Variants in PTPRT observed in about 807,000 individuals in gnomAD.
PTPRT encodes the protein receptor-type tyrosine-protein phosphatase T.
PTPRT carries 56 observed loss-of-function variants against 176.8 expected under a neutral mutation model. That is an observed-to-expected ratio of 0.32 (90% CI 0.26 to 0.40). The LOEUF (loss-of-function observed/expected upper bound fraction) is 0.40. Ranked by LOEUF, PTPRT falls within the 10% of genes least tolerant of loss-of-function variation. The probability of loss-of-function intolerance (pLI) is 1.00; values close to 1 mark genes in which losing one functional copy is unlikely to be tolerated. For synonymous variants in PTPRT, 783 were observed against 739.0 expected, an observed-to-expected ratio of 1.06 and a Z score of -0.96; for missense variants, 1,540 against 1,908.2, an observed-to-expected ratio of 0.81 and a Z score of 3.60.
At chr20:42,534,245 A>G (rs1329177248) in intron 7 of PTPRT, among the ~76,000 whole-genome samples, 1 of 152,210 alleles carries the variant, frequency 6.6e-6, no homozygotes. Context: ...AGTGTCCAAC[A>G]GTGAGAACGC....
At position 42,276,528 on chromosome 20, in the gene PTPRT, TATATATATATATATATATA is replaced by T. The variant is rs1568731665; in HGVS notation, c.2176+5942_2176+5960del. On this transcript the variant is annotated intron_variant, in intron 13 of 30. Transcript: ENST00000373187. ...ATATATATATATATATATATATATATATATATATATATATATATATATATATATATAATGTTCTTGAATA... is the reference window on the plus strand; with the variant it reads ...ATATATATATATATATATATATATATTATATATATATAATGTTCTTGAATA... Among the ~76,000 whole-genome samples, 33 of 46,480 alleles carry T rather than the reference TATATATATATATATATATA, an allele frequency of 7.1e-4. 1 individual carries two copies. In the East Asian group the frequency reaches 0.01, roughly 15 times the overall value. The allele number at this position is 46,480 out of a possible 152,430, so 30.5% of individuals were successfully genotyped here. A position where few individuals can be genotyped will look rare whatever the true frequency, so the allele number is the denominator to read the frequency against.
intron 11 of PTPRT, among the ~76,000 whole-genome samples, chr20:42,335,156 A>G (rs984023955): frequency 7.2e-5 from 11 of 152,322 alleles, no homozygotes; most frequent in African/African-American, 2.2e-4. Flanking sequence ...GGAGTAGTCA[A>G]GTGTGGACAG....
chr20:42,557,792 T>C (rs2072885503), intron 7 of PTPRT, among the ~76,000 whole-genome samples: 1 of 152,176 alleles, frequency 6.6e-6, no homozygotes, highest in Admixed American at 6.5e-5. Context: ...CTTTGCTTCC[T>C]TTACCTGGAT....
chr20:42,790,539 C>T (rs533570415), intron 3 of PTPRT, among the ~76,000 whole-genome samples: 1 of 152,288 alleles, frequency 6.6e-6, no homozygotes, highest in African/African-American at 2.4e-5. Context: ...TTCAAAGCCC[C>T]CCATGATCTG....
At chr20:42,880,322 C>T (rs539520984) in intron 2 of PTPRT, among the ~76,000 whole-genome samples, 58 of 152,266 alleles carry the variant, frequency 3.8e-4, no homozygotes, top group African/African-American at 1.3e-3. Flanking sequence ...AGTCTCAGCT[C>T]CCTGGGGACT....
intron 7 of PTPRT, among the ~76,000 whole-genome samples, chr20:42,489,391 T>A (rs1478562817): frequency 6.6e-6 from 1 of 152,100 alleles, no homozygotes; most frequent in African/African-American, 2.4e-5. Flanking sequence ...CCATTTCACT[T>A]TCCCCTGTTG....
intron 8 of PTPRT, among the ~76,000 whole-genome samples, chr20:42,462,851 C>A (rs142611610): frequency 6.0e-4 from 92 of 152,286 alleles, no homozygotes; most frequent in African/African-American, 2.1e-3. Context: ...TGTGCTACAG[C>A]CTCTGTAGCG....
chr20:42,091,210 A>C (rs1456391628), intron 27 of PTPRT, among the ~76,000 whole-genome samples: 1 of 152,224 alleles, frequency 6.6e-6, no homozygotes, highest in Non-Finnish European at 1.5e-5. Context: ...GCTGCCATAC[A>C]TTATTCCACC....
At chr20:42,195,240 A>G (rs554797714) in intron 16 of PTPRT, among the ~76,000 whole-genome samples, 15 of 152,356 alleles carry the variant, frequency 9.8e-5, no homozygotes, top group African/African-American at 3.4e-4. Flanking sequence ...TACCTGGTCA[A>G]TAATGAAATA....
chr20:43,166,958 T>C (rs1048917577), intron 1 of PTPRT, among the ~76,000 whole-genome samples: 2 of 152,212 alleles, frequency 1.3e-5, no homozygotes, highest in Admixed American at 1.3e-4. Context: ...TGAATCCCAG[T>C]TTCCAGTGTC....
At chr20:42,457,872 T>C (rs1432486850) in intron 8 of PTPRT, among the ~76,000 whole-genome samples, 2 of 152,192 alleles carry the variant, frequency 1.3e-5, no homozygotes, top group Non-Finnish European at 2.9e-5. Context: ...GTTTGCCATA[T>C]GCCCTGGACG....
rs1346626604 is a variant in PTPRT, at chr20:42,076,923, A to G, written c.*3956T>C. ...CACTCTAGTCTCTTCTGTTATGGGT[A>G]ACCTCCTGGGAAAAATGTGAGATAC... On this transcript the variant is annotated 3_prime_UTR_variant, in exon 31 of 31. Transcript: ENST00000373187. 1 of 197,182 alleles carries G rather than the reference A, an allele frequency of 5.1e-6. No homozygotes were observed. The allele number at this position is 197,182 out of a possible 1,614,324, so 12.2% of individuals were successfully genotyped here.
rs571230346 is a variant in PTPRT, at chr20:43,046,459, TA to T, written c.88+143186del. Among the ~76,000 whole-genome samples, 269 of 150,882 alleles carry T rather than the reference TA, an allele frequency of 1.8e-3. 2 individuals carry two copies. Among genetic ancestry groups the T allele is most frequent in the South Asian group, 0.01 (48 of 4,758 alleles). On this transcript the variant is annotated intron_variant, in intron 1 of 30. Coordinates refer to ENST00000373187, the MANE Select transcript of PTPRT (RefSeq NM_007050.6). ...GGAGCGCGCCTGTAGTCCCAGCTAC[TA>T]GGGGAGGCTGAGGCAGGAGAATGGC...
intron 7 of PTPRT, among the ~76,000 whole-genome samples, chr20:42,500,436 T>C (rs901367725): frequency 6.6e-6 from 1 of 152,140 alleles, no homozygotes; most frequent in Non-Finnish European, 1.5e-5. Flanking sequence ...GAGACTTTGA[T>C]ATAGCATATT....
chr20:42,813,387 T>TC (rs1390628982), intron 2 of PTPRT, among the ~76,000 whole-genome samples: 7 of 151,862 alleles, frequency 4.6e-5, no homozygotes, highest in Non-Finnish European at 1.0e-4. Flanking sequence ...CCTTCCTTTT[T>TC]CTTCCTTCCT....
chr20:42,756,762 A>T (rs2076839356), intron 5 of PTPRT, 126 bp from the exon 6 acceptor site: 1 of 818,710 alleles, frequency 1.2e-6, no homozygotes, highest in Admixed American at 3.6e-5. Flanking sequence ...ATAATAAGGG[A>T]TTTCCAGCCA....
At chr20:42,952,975 AT>A (rs1600588749) in intron 1 of PTPRT, among the ~76,000 whole-genome samples, 3 of 152,330 alleles carry the variant, frequency 2.0e-5, no homozygotes, top group East Asian at 3.9e-4. Context: ...GTAGACACAG[AT>A]CTGAACGCAG....
At chr20:42,748,951 TAAAACCAAA>T (rs2076729358) in intron 6 of PTPRT, among the ~76,000 whole-genome samples, 1 of 152,140 alleles carries the variant, frequency 6.6e-6, no homozygotes. Flanking sequence ...CTCATGTCCC[TAAAACCAAA>T]TAAGCACCTT....
chr20:42,956,304 T>C (rs1175153390), intron 1 of PTPRT, among the ~76,000 whole-genome samples: 4 of 152,172 alleles, frequency 2.6e-5, no homozygotes, highest in Non-Finnish European at 2.9e-5. Context: ...TCCTCATGAA[T>C]GGTTCAGCAC....
Sources: gnomAD v4.1 joint callset for allele counts (sites outside exome capture counted in the v4.1 genomes callset) on GRCh38, gnomAD v4.1.1 for gene constraint, MANE v1.5 for transcripts, NCBI Gene and HGNC (gene_info 2026-07-23, HGNC 2026-07-21) for gene names.